Variants in KHDC1 observed in about 807,000 individuals in gnomAD.
KHDC1 encodes the protein KH homology domain-containing protein 1.
A neutral mutation model predicts 24.7 loss-of-function variants in KHDC1; 21 were observed. The observed-to-expected ratio is 0.85, with a 90% CI of 0.60 to 1.23. The LOEUF (loss-of-function observed/expected upper bound fraction) is 1.23, where lower values mean the gene tolerates loss of function less well. KHDC1 is among the 50% of genes most tolerant of loss of function. The pLI is 0.00. For synonymous variants in KHDC1, 98 were observed against 111.7 expected, an observed-to-expected ratio of 0.88 and a Z score of 0.77; for missense variants, 274 against 298.5, an observed-to-expected ratio of 0.92 and a Z score of 0.61.
At position 73,291,989 on chromosome 6, in the gene KHDC1, A is replaced by G. The variant is rs561826619; in HGVS notation, c.206+9T>C. On this transcript the variant is annotated intron_variant, in intron 2 of 4. Transcript: ENST00000370384. ...GGCGGGGTACGACTTAACTACTCGC[A>G]TCACGCACCTTTTGGATCGGCATCT... 1.6e-5 allele frequency: 26 copies of G among 1,613,940 alleles called. No homozygotes were observed. The South Asian group carries it at 2.9e-4, about 18-fold the overall frequency.
At chr6:73,292,389 A>G (rs1767672152) in intron 1 of KHDC1, 20 of 782,970 alleles carry the variant, frequency 2.6e-5, no homozygotes, top group South Asian at 2.0e-4. Flanking sequence ...GAATGTGGGA[A>G]TTACTCAGGA....
chr6:73,293,983 G>A (rs1390814739), intron 1 of KHDC1, among the ~76,000 whole-genome samples: 1 of 140,380 alleles, frequency 7.1e-6, no homozygotes, highest in Non-Finnish European at 1.5e-5. Context: ...TCCAGCCTGG[G>A]CAACAGAGTG....
intron 2 of KHDC1, among the ~76,000 whole-genome samples, chr6:73,261,606 T>C (rs1315673445): frequency 6.7e-6 from 1 of 148,288 alleles, no homozygotes; most frequent in Non-Finnish European, 1.5e-5. Context: ...CCTGTCACTA[T>C]AAAAAAAATA....
intron 2 of KHDC1, chr6:73,290,542 C>A: frequency 2.2e-6 from 1 of 455,792 alleles, no homozygotes; most frequent in Non-Finnish European, 4.3e-6. Flanking sequence ...GATCCAAAGT[C>A]CACAAATATA....
intron 2 of KHDC1, among the ~76,000 whole-genome samples, chr6:73,253,988 A>G (rs1766831402): frequency 6.6e-6 from 1 of 152,138 alleles, no homozygotes; most frequent in African/African-American, 2.4e-5. Context: ...AAAATAATAA[A>G]AATTCACTTG....
At chr6:73,306,042 T>C (rs7769905) in intron 1 of KHDC1, among the ~76,000 whole-genome samples, 22,400 of 152,166 alleles carry the variant, frequency 0.15, 2,268 homozygotes, top group African/African-American at 0.28. Context: ...TACATATGCA[T>C]TTAGTGTTTT....
At chr6:73,291,210 C>A (rs576476453) in intron 2 of KHDC1, 3 of 458,218 alleles carry the variant, frequency 6.5e-6, no homozygotes, top group South Asian at 1.6e-5. Flanking sequence ...AATGACTGGT[C>A]TGCAACTTCC....
intron 2 of KHDC1, among the ~76,000 whole-genome samples, chr6:73,267,464 CAG>C (rs926161965): frequency 1.3e-5 from 2 of 151,672 alleles, no homozygotes; most frequent in African/African-American, 2.4e-5. Context: ...GACTGGGTGA[CAG>C]AGGAAGACTC....
intron 1 of KHDC1, among the ~76,000 whole-genome samples, chr6:73,296,418 A>C (rs1472138476): frequency 6.6e-6 from 1 of 152,164 alleles, no homozygotes; most frequent in Non-Finnish European, 1.5e-5. Context: ...ATGCCACTGC[A>C]CTGTAGCCTG....
At chr6:73,241,897 C>T (rs1272932752) in intron 4 of KHDC1, among the ~76,000 whole-genome samples, 158 bp downstream of exon 3, 1 of 152,112 alleles carries the variant, frequency 6.6e-6, no homozygotes, top group Admixed American at 6.5e-5. Context: ...CAATCTCATG[C>T]CACAAAAAAA....
chr6:73,309,585 C>G (rs768630898), exon 1 of KHDC1: 21 of 1,543,316 alleles, frequency 1.4e-5, no homozygotes, highest in Admixed American at 4.1e-5. Flanking sequence ...TGGAAAGACA[C>G]TGTCCCGATC....
chr6:73,245,682 C>G (rs780863927), intron 2 of KHDC1, among the ~76,000 whole-genome samples: 10 of 152,066 alleles, frequency 6.6e-5, no homozygotes, highest in Non-Finnish European at 1.2e-4. Context: ...TTTGGTACAG[C>G]AAGTGTGTTT....
At position 73,294,439 on chromosome 6, in the gene KHDC1, A is replaced by G. The variant is rs542326015; in HGVS notation, c.164-2399T>C. On this transcript the variant is annotated intron_variant, in intron 1 of 4. Transcript: ENST00000370384. ...ATATTTGTGGAATAATTTCTATCAT[A>G]ACTAGCAGCTACTTCCTAATTTGAT... Among the ~76,000 whole-genome samples the G allele has an allele frequency of 7.2e-5, 11 of 152,272 alleles. No homozygotes were observed. The East Asian group carries it at 2.1e-3, about 29-fold the overall frequency.
Position 73,267,160 on chromosome 6 carries a change from G to C in KHDC1, c.207-24630C>G, listed in dbSNP as rs147738225. Reference sequence around the variant, plus strand: ...AGATCAAAACCACAATGAGATACCAGTTCATACCCATTAGAATGGCTGTCA... The same window carrying C: ...AGATCAAAACCACAATGAGATACCACTTCATACCCATTAGAATGGCTGTCA... On this transcript the variant is annotated intron_variant, in intron 2 of 4. Transcript: ENST00000370384. 3.1e-3 allele frequency among the ~76,000 whole-genome samples: 474 copies of C among 151,880 alleles called. 4 individuals are homozygous for C. The highest frequency in any genetic ancestry group is 0.011 in the African/African-American group (440 of 41,266).
intron 2 of KHDC1, among the ~76,000 whole-genome samples, chr6:73,255,770 C>T (rs556268845): frequency 1.3e-5 from 2 of 151,440 alleles, no homozygotes; most frequent in Admixed American, 1.3e-4. Flanking sequence ...GGCACGGTGG[C>T]GGGCACCTTT....
chr6:73,295,284 G>A (rs1175639781), intron 1 of KHDC1, among the ~76,000 whole-genome samples: 1 of 152,140 alleles, frequency 6.6e-6, no homozygotes, highest in African/African-American at 2.4e-5. Flanking sequence ...CTCCCCAGGA[G>A]CCAAGCAGAT....
intron 2 of KHDC1, 165 bp from the exon 2 acceptor site, chr6:73,242,695 C>G: frequency 6.6e-6 from 5 of 762,718 alleles, no homozygotes; most frequent in Non-Finnish European, 1.0e-5. Flanking sequence ...ATAATTCATT[C>G]CAAGTAATTA....
At chr6:73,280,373 G>A (rs958795412) in intron 2 of KHDC1, among the ~76,000 whole-genome samples, 2 of 151,634 alleles carry the variant, frequency 1.3e-5, no homozygotes, top group African/African-American at 4.8e-5. Context: ...ATGTTGTCCA[G>A]GCTGGTCTCG....
rs922488060 is a variant in KHDC1 at position 73,268,436 on chromosome 6, G to C, written c.206+23562C>G. The C allele has an allele frequency of 3.9e-5, 6 of 152,600 alleles. 1 individual carries two copies. Among genetic ancestry groups the C allele is most frequent in the Admixed American group, 3.9e-4 (6 of 15,288 alleles). 9.5% of individuals were successfully genotyped at this position (152,600 alleles called of 1,614,324 possible). A position where few individuals can be genotyped will look rare whatever the true frequency, so the allele number is the denominator to read the frequency against. On this transcript the variant is annotated intron_variant, in intron 2 of 4. Transcript: ENST00000370384. ...AAGAGCAAAGAACAAAGCTTCCACG[G>C]TGTGGAAGGGGACCCCAACGGGTTG...
Sources: gnomAD v4.1 joint callset for allele counts (sites outside exome capture counted in the v4.1 genomes callset) on GRCh38, gnomAD v4.1.1 for gene constraint, MANE v1.5 for transcripts, NCBI Gene and HGNC (gene_info 2026-07-23, HGNC 2026-07-21) for gene names.